The following ERC2 variants were observed in gnomAD, a reference collection of about 807,000 sequenced individuals.
ERC2 encodes ELKS/RAB6-interacting/CAST family member 2.
In ERC2, 42 loss-of-function variants were observed where a neutral mutation model predicts 114.8. That is an observed-to-expected ratio of 0.37 (90% CI 0.29 to 0.47). The LOEUF (loss-of-function observed/expected upper bound fraction) is 0.47, where lower values mean the gene tolerates loss of function less well. Ranked by LOEUF, ERC2 falls within the 20% of genes least tolerant of loss-of-function variation. The pLI is 0.99. For synonymous variants in ERC2, 454 were observed against 425.5 expected (o/e 1.07, Z -0.82); for missense variants, 939 against 1,150.7 (o/e 0.82, Z 2.66).
intron 14 of ERC2, among the ~76,000 whole-genome samples, chr3:55,850,074 T>C (rs1191619232): frequency 2.6e-5 from 4 of 152,196 alleles, no homozygotes; most frequent in African/African-American, 9.6e-5. Flanking sequence ...CAGCAATCCT[T>C]GACATTGTTT....
chr3:55,902,429 A>G (rs2064185498), intron 13 of ERC2, among the ~76,000 whole-genome samples: 1 of 152,096 alleles, frequency 6.6e-6, no homozygotes, highest in Non-Finnish European at 1.5e-5. Flanking sequence ...TAACCTTGGG[A>G]AAAATCACTT....
At chr3:55,555,050 G>A (rs1457982619) in intron 17 of ERC2, among the ~76,000 whole-genome samples, 1 of 152,078 alleles carries the variant, frequency 6.6e-6, no homozygotes, top group Non-Finnish European at 1.5e-5. Flanking sequence ...CCACCTTGGG[G>A]AAGTCAGCAC....
intron 7 of ERC2, among the ~76,000 whole-genome samples, chr3:56,035,905 C>G (rs538163970): frequency 2.0e-5 from 3 of 151,870 alleles, no homozygotes; most frequent in Admixed American, 6.6e-5. Context: ...AAGAATACTA[C>G]GAGAAAAAAA....
chr3:56,015,379 A>T (rs2073235735), intron 8 of ERC2, among the ~76,000 whole-genome samples: 1 of 118,948 alleles, frequency 8.4e-6, no homozygotes, highest in South Asian at 2.8e-4. Flanking sequence ...CCCTTCCAAC[A>T]GGCCCCAGTG....
chr3:56,235,495 G>T (rs1309215700), intron 3 of ERC2, among the ~76,000 whole-genome samples: 2 of 152,130 alleles, frequency 1.3e-5, no homozygotes, highest in East Asian at 3.8e-4. Context: ...AATAAAATAA[G>T]AGTTTTCTTG....
At chr3:56,407,105 G>A (rs565809882) in intron 2 of ERC2, among the ~76,000 whole-genome samples, 3 of 152,176 alleles carry the variant, frequency 2.0e-5, no homozygotes, top group East Asian at 1.9e-4. Context: ...CTCAAGAGCT[G>A]GTAAAGACTA....
intron 17 of ERC2, among the ~76,000 whole-genome samples, chr3:55,673,199 G>A (rs939921657): frequency 7.2e-5 from 11 of 152,116 alleles, no homozygotes; most frequent in Admixed American, 6.5e-4. Context: ...CGGATCAGCT[G>A]GGGGAAACAC....
At chr3:56,309,267 C>T (rs72873459) in intron 2 of ERC2, among the ~76,000 whole-genome samples, 2,016 of 152,316 alleles carry the variant, frequency 0.013, 39 homozygotes, top group African/African-American at 0.046. Context: ...CTGGGTTCCT[C>T]ACCCACACAC....
intron 7 of ERC2, among the ~76,000 whole-genome samples, chr3:56,078,391 T>C (rs896476204): frequency 6.6e-6 from 1 of 152,200 alleles, no homozygotes; most frequent in African/African-American, 2.4e-5. Flanking sequence ...ATTCTGTACA[T>C]GAATGTACCA....
intron 12 of ERC2, among the ~76,000 whole-genome samples, chr3:55,970,038 G>A (rs1017526294): frequency 2.0e-5 from 3 of 152,088 alleles, no homozygotes; most frequent in African/African-American, 7.2e-5. Context: ...CCAAAAGAGA[G>A]GAAGCATTTA....
chr3:55,741,598 C>T (rs998146370), intron 14 of ERC2, among the ~76,000 whole-genome samples: 2 of 152,130 alleles, frequency 1.3e-5, no homozygotes, highest in Non-Finnish European at 2.9e-5. Flanking sequence ...TTTTTACAGA[C>T]AACACGGAAA....
intron 3 of ERC2, among the ~76,000 whole-genome samples, chr3:56,219,526 C>T (rs1211831322): frequency 2.0e-5 from 3 of 151,832 alleles, no homozygotes; most frequent in African/African-American, 4.8e-5. Context: ...GGGACACAAA[C>T]GTAAATCAAA....
intron 3 of ERC2, among the ~76,000 whole-genome samples, chr3:56,267,341 C>T (rs2053378206): frequency 1.3e-5 from 2 of 152,116 alleles, no homozygotes. Context: ...AGACATTATG[C>T]TAACTGAAAT....
intron 15 of ERC2, among the ~76,000 whole-genome samples, chr3:55,732,889 T>C (rs1575420650): frequency 6.6e-6 from 1 of 152,164 alleles, no homozygotes; most frequent in African/African-American, 2.4e-5. Flanking sequence ...CATAGAGTAC[T>C]GGAAATCATC....
intron 17 of ERC2, among the ~76,000 whole-genome samples, chr3:55,521,244 C>G (rs553602249): frequency 6.6e-6 from 1 of 152,334 alleles, no homozygotes; most frequent in East Asian, 1.9e-4. Flanking sequence ...CGAGACCTCC[C>G]TTTCCCTCTC....
At chr3:55,904,177 T>G (rs886905956) in intron 13 of ERC2, among the ~76,000 whole-genome samples, 2 of 152,214 alleles carry the variant, frequency 1.3e-5, no homozygotes, top group African/African-American at 4.8e-5. Context: ...AAAGGAACTG[T>G]GTGGAATAGG....
chr3:55,853,585 AATT>A (rs1205111168), intron 14 of ERC2, among the ~76,000 whole-genome samples: 1 of 152,326 alleles, frequency 6.6e-6, no homozygotes, highest in East Asian at 1.9e-4. Context: ...GTATGAATTG[AATT>A]AGATATACTC....
At chr3:56,160,666 TGTAA>T (rs1489941583) in intron 4 of ERC2, among the ~76,000 whole-genome samples, 7 of 152,086 alleles carry the variant, frequency 4.6e-5, no homozygotes, top group Non-Finnish European at 1.0e-4. Flanking sequence ...TATAGTGAAA[TGTAA>T]GTGTCTAGTT....
At chr3:55,854,561 A>G (rs979003619) in intron 14 of ERC2, among the ~76,000 whole-genome samples, 2 of 152,126 alleles carry the variant, frequency 1.3e-5, no homozygotes, top group African/African-American at 4.8e-5. Context: ...ATGGGCCCTC[A>G]GGGAGGCCCC....
Sources: gnomAD v4.1 joint callset for allele counts (sites outside exome capture counted in the v4.1 genomes callset) on GRCh38, gnomAD v4.1.1 for gene constraint, MANE v1.5 for transcripts, NCBI Gene and HGNC (gene_info 2026-07-23, HGNC 2026-07-21) for gene names.